Variants in PBX4 observed in about 807,000 individuals in gnomAD.
PBX4 encodes pre-B-cell leukemia transcription factor 4.
PBX4 carries 26 observed loss-of-function variants against 35.1 expected under a neutral mutation model. That is an observed-to-expected ratio of 0.74 (90% CI 0.54 to 1.03). PBX4 has a LOEUF of 1.03. PBX4 is among the 50% of genes least tolerant of loss of function. PBX4 has a pLI of 0.00. For missense variants in PBX4, 448 were observed against 504.3 expected (o/e 0.89, Z 1.07); for synonymous variants, 199 against 204.2 (o/e 0.97, Z 0.22).
chr19:19,615,749 C>T (rs900022523), intron 1 of PBX4, among the ~76,000 whole-genome samples: 8 of 152,034 alleles, frequency 5.3e-5, no homozygotes, highest in Admixed American at 2.0e-4. Context: ...AAACTAGCCA[C>T]GCATGGGGCG....
At chr19:19,571,613 G>T (rs1022473087) in intron 2 of PBX4, among the ~76,000 whole-genome samples, 1 of 152,156 alleles carries the variant, frequency 6.6e-6, no homozygotes, top group African/African-American at 2.4e-5. Context: ...TGGGACACGG[G>T]TGTCAGAGAA....
chr19:19,618,589 G>A lies in PBX4; in HGVS notation c.41C>T (p.Pro14Leu), dbSNP rs938731988. Residue 14 changes from proline (P) to leucine (L), a missense_variant, in exon 1 of 8, where the codon CCG becomes CTG. Coordinates refer to ENST00000251203, the MANE Select transcript of PBX4 (RefSeq NM_025245.3). ...PPRPAPSPPAPRRLDTSDVLQ... is the reference protein window; with the variant it reads ...PPRPAPSPPALRRLDTSDVLQ... ...GACGTCGCTCGTGTCGAGGCGCCGCGGGGCGGGGGGCGATGGCGCGGGGCG... is the reference window on the plus strand; with the variant it reads ...GACGTCGCTCGTGTCGAGGCGCCGCAGGGCGGGGGGCGATGGCGCGGGGCG... The A allele has an allele frequency of 5.4e-6, 7 of 1,294,748 alleles. No homozygotes were observed. The highest frequency in any genetic ancestry group is 6.9e-6 in the Non-Finnish European group (7 of 1,019,052). The allele number at this position is 1,294,748 out of a possible 1,614,324, so 80.2% of individuals were successfully genotyped here.
chr19:19,616,199 C>A (rs964129992), intron 1 of PBX4, among the ~76,000 whole-genome samples: 1 of 152,156 alleles, frequency 6.6e-6, no homozygotes, highest in Non-Finnish European at 1.5e-5. Context: ...TTCTACGGAT[C>A]CTGGCTGGCT....
At chr19:19,564,853 C>T in intron 6 of PBX4, 80 bp downstream of exon 6, 1 of 1,550,180 alleles carries the variant, frequency 6.5e-7, no homozygotes, top group Non-Finnish European at 8.9e-7. Flanking sequence ...GAGATGTGGT[C>T]CCACTGTGGC....
At chr19:19,589,244 C>T (rs910461818) in intron 2 of PBX4, among the ~76,000 whole-genome samples, 1 of 151,920 alleles carries the variant, frequency 6.6e-6, no homozygotes, top group Non-Finnish European at 1.5e-5. Flanking sequence ...CTGGCTAACA[C>T]GATGAAACCC....
intron 2 of PBX4, among the ~76,000 whole-genome samples, chr19:19,593,263 C>CA (rs2061539930): frequency 6.6e-6 from 1 of 152,178 alleles, no homozygotes; most frequent in Non-Finnish European, 1.5e-5. Flanking sequence ...ACCATAAGGC[C>CA]TGCTGCAGAC....
Position 19,570,823 on chromosome 19 carries a change from G to T in PBX4, c.204C>A (p.Ile68=). ...CEIKEKTVVS[I]RGIQDEDPPD... ...GGGGATCTTCGTCTTGAATGCCACG[G>T]ATGCTTACCACTAGATAAGAGAGAC... The change falls in exon 3 of 8, where the codon ATC becomes ATA. Residue 68 remains isoleucine (I), a synonymous_variant. Coordinates refer to ENST00000251203, the MANE Select transcript of PBX4 (RefSeq NM_025245.3). 6.2e-7 allele frequency: 1 copy of T among 1,613,948 alleles called. No individual in the cohort carries two copies. The highest frequency in any genetic ancestry group is 8.5e-7 in the Non-Finnish European group (1 of 1,180,018).
At chr19:19,578,404 T>C (rs1204264378) in intron 2 of PBX4, among the ~76,000 whole-genome samples, 1 of 152,052 alleles carries the variant, frequency 6.6e-6, no homozygotes, top group Admixed American at 6.6e-5. Context: ...CTGGCCTAAT[T>C]ATGGTCATTA....
chr19:19,586,037 ATGTT>A (rs1480042453), intron 2 of PBX4, among the ~76,000 whole-genome samples: 1 of 152,220 alleles, frequency 6.6e-6, no homozygotes, highest in Non-Finnish European at 1.5e-5. Flanking sequence ...ATATGTTTAC[ATGTT>A]TGTTAATTAA....
intron 1 of PBX4, among the ~76,000 whole-genome samples, chr19:19,611,297 T>A (rs756228906): frequency 6.6e-6 from 1 of 152,130 alleles, no homozygotes; most frequent in Non-Finnish European, 1.5e-5. Context: ...TTAATCCATA[T>A]CTAGGCAAAG....
At chr19:19,614,691 C>CCAAA (rs965905698) in intron 1 of PBX4, among the ~76,000 whole-genome samples, 2 of 151,858 alleles carry the variant, frequency 1.3e-5, no homozygotes, top group Non-Finnish European at 2.9e-5. Flanking sequence ...CAAAAAACAG[C>CCAAA]CAAACAAACA....
rs149342353 is a variant in PBX4 at position 19,570,268 on chromosome 19, T to C, written c.473A>G (p.Asn158Ser). The C allele has an allele frequency of 1.4e-5, 22 of 1,612,010 alleles. No individual in the cohort carries two copies. Among genetic ancestry groups the C allele is most frequent in the Middle Eastern group, 1.6e-4 (1 of 6,066 alleles). ...CATCCTGCTCTGCTCCTGGAGGAGG[T>C]TGGTGACGTGCGTGGTGAACTCACG... ...ACREFTTHVTNLLQEQSRMRP... is the reference protein window; with the variant it reads ...ACREFTTHVTSLLQEQSRMRP... Residue 158 changes from asparagine to serine, a missense_variant, in exon 4 of 8, where the codon AAC (asparagine) becomes AGC (serine). By Grantham distance (46) the Asn-to-Ser change is conservative. Transcript: ENST00000251203.
At chr19:19,578,724 T>C (rs2061435785) in intron 2 of PBX4, among the ~76,000 whole-genome samples, 1 of 152,234 alleles carries the variant, frequency 6.6e-6, no homozygotes, top group Non-Finnish European at 1.5e-5. Flanking sequence ...AGAAACAATA[T>C]GGCAATGCTG....
chr19:19,584,145 C>T (rs536619137), intron 2 of PBX4, among the ~76,000 whole-genome samples: 1 of 151,674 alleles, frequency 6.6e-6, no homozygotes, highest in Admixed American at 6.6e-5. Context: ...GGTGGAGGCT[C>T]GAGAACCGCT....
intron 1 of PBX4, among the ~76,000 whole-genome samples, chr19:19,605,319 G>A (rs1296388821): frequency 6.6e-6 from 1 of 151,100 alleles, no homozygotes; most frequent in Non-Finnish European, 1.5e-5. Context: ...AGGAGGCTGA[G>A]GCAGGAGAAT....
intron 2 of PBX4, among the ~76,000 whole-genome samples, chr19:19,578,374 GTGCTCCCCGTACACTGA>G: frequency 6.6e-6 from 1 of 152,224 alleles, no homozygotes; most frequent in South Asian, 2.1e-4. Flanking sequence ...CCGTGCCTTT[GTGCTCCCCGTACACTGA>G]TGCTGGCCTA....
intron 2 of PBX4, among the ~76,000 whole-genome samples, chr19:19,582,901 G>T (rs1251916089): frequency 6.6e-6 from 1 of 152,224 alleles, no homozygotes; most frequent in South Asian, 2.1e-4. Context: ...TGAGCTGTGG[G>T]GCACCGAAGA....
rs1020429047 is a variant in PBX4 at position 19,618,667 on chromosome 19, C to A, written c.-38G>T. ...CGGGCGGGCGCTGTGAGGGTGCCGTCGAGCCTGGAGCACTACCACTGGCGC... is the reference window on the plus strand; with the variant it reads ...CGGGCGGGCGCTGTGAGGGTGCCGTAGAGCCTGGAGCACTACCACTGGCGC... On this transcript the variant is annotated 5_prime_UTR_variant, in exon 1 of 8. Transcript: ENST00000251203. The A allele has an allele frequency of 1.7e-6, 2 of 1,192,848 alleles. No individual in the cohort carries two copies. The highest frequency in any genetic ancestry group is 2.1e-6 in the Non-Finnish European group (2 of 963,190). 73.9% of individuals were successfully genotyped at this position (1,192,848 alleles called of 1,614,324 possible). A position where few individuals can be genotyped will look rare whatever the true frequency, so the allele number is the denominator to read the frequency against.
chr19:19,584,799 T>A (rs1007396542), intron 2 of PBX4, among the ~76,000 whole-genome samples: 2 of 151,916 alleles, frequency 1.3e-5, no homozygotes, highest in Non-Finnish European at 2.9e-5. Flanking sequence ...CTAATTTTTG[T>A]ATTTTTAGTA....
Sources: allele counts gnomAD v4.1 joint callset (sites outside exome capture counted in the v4.1 genomes callset), GRCh38; gene constraint gnomAD v4.1.1; transcripts MANE v1.5; gene names NCBI Gene and HGNC (gene_info 2026-07-23, HGNC 2026-07-21).